Variants in SNTG1 observed in about 807,000 individuals in gnomAD.
SNTG1 encodes syntrophin gamma 1, also known as gamma-1-syntrophin.
Under a neutral mutation model 74.7 loss-of-function variants are expected in SNTG1, and 39 were observed. The ratio of observed to expected loss-of-function variants is 0.52; its 90% CI spans 0.40 to 0.68. The LOEUF is 0.68. Among genes scored for constraint, SNTG1 ranks in the 30% least tolerant of loss-of-function variants. The pLI, the probability that SNTG1 is intolerant of heterozygous loss-of-function variation, is 0.00. For synonymous variants in SNTG1, 254 were observed against 217.1 expected (o/e 1.17, Z -1.49); for missense variants, 685 against 609.5 (o/e 1.12, Z -1.30).
At chr8:50,100,157 A>G (rs954678883) in intron 1 of SNTG1, among the ~76,000 whole-genome samples, 1 of 152,156 alleles carries the variant, frequency 6.6e-6, no homozygotes, top group Non-Finnish European at 1.5e-5. Context: ...GAAATAAGCC[A>G]GGAAAAGAAA....
intron 1 of SNTG1, among the ~76,000 whole-genome samples, chr8:50,129,331 C>T (rs758851625): frequency 2.6e-5 from 4 of 152,050 alleles, no homozygotes; most frequent in Non-Finnish European, 5.9e-5. Flanking sequence ...TCATAGCATC[C>T]AGAAGGAAAC....
intron 2 of SNTG1, among the ~76,000 whole-genome samples, chr8:50,181,681 A>G (rs1211238015): frequency 1.3e-5 from 2 of 152,208 alleles, no homozygotes; most frequent in African/African-American, 2.4e-5. Context: ...TGTAATTGCT[A>G]GTATGCATAG....
rs192136255 is a variant in SNTG1, at chr8:49,919,857, T to C, written c.-103+7626T>C. Among the ~76,000 whole-genome samples, 525 of 152,192 alleles carry C rather than the reference T, an allele frequency of 3.4e-3. 3 individuals are homozygous for C. Among genetic ancestry groups the C allele is most frequent in the African/African-American group, 0.012 (503 of 41,540 alleles). The stretch of plus-strand genomic sequence containing the variant: ...TTGTTTTCCTGGTCTGGTTTTAATC[T>C]TGAAGAAGTAAAACTCCCGAAAGTA... On this transcript the variant is annotated intron_variant, in intron 1 of 18. Coordinates refer to ENST00000642720, the MANE Select transcript of SNTG1 (RefSeq NM_018967.5).
At chr8:50,673,256 A>G (rs1048118732) in intron 15 of SNTG1, among the ~76,000 whole-genome samples, 6 of 152,164 alleles carry the variant, frequency 3.9e-5, no homozygotes, top group African/African-American at 1.4e-4. Flanking sequence ...GAATCTATAA[A>G]TTAATTTGGG....
At chr8:50,520,003 A>G (rs1264606475) in intron 9 of SNTG1, among the ~76,000 whole-genome samples, 1 of 152,228 alleles carries the variant, frequency 6.6e-6, no homozygotes, top group Non-Finnish European at 1.5e-5. Flanking sequence ...AGCAAAAAGA[A>G]CAAAACTGGA....
chr8:50,576,214 T>C (rs1473121686), intron 12 of SNTG1, among the ~76,000 whole-genome samples: 1 of 152,174 alleles, frequency 6.6e-6, no homozygotes, highest in Non-Finnish European at 1.5e-5. Context: ...CCAGTTTTCT[T>C]AGAATCATTA....
At position 50,487,700 on chromosome 8, in the gene SNTG1, G is replaced by C. The variant is rs1029843103; in HGVS notation, c.364-15078G>C. Reference sequence around the variant, plus strand: ...TGGGGACTGTTGTGGGGTCGGAGGGGGGGGAGGGATAGCACTGGGAGATAT... The same window carrying C: ...TGGGGACTGTTGTGGGGTCGGAGGGCGGGGAGGGATAGCACTGGGAGATAT... On this transcript the variant is annotated intron_variant, in intron 8 of 18. Transcript: ENST00000642720. 6.6e-4 allele frequency among the ~76,000 whole-genome samples: 96 copies of C among 146,530 alleles called. 1 individual carries two copies. Among genetic ancestry groups the C allele is most frequent in the African/African-American group, 2.3e-3 (87 of 37,966 alleles).
chr8:50,444,787 C>G (rs539259095), intron 5 of SNTG1, among the ~76,000 whole-genome samples: 3 of 146,832 alleles, frequency 2.0e-5, no homozygotes, highest in South Asian at 4.3e-4. Flanking sequence ...AACAAGCATA[C>G]AGTAAAGCTT....
At position 50,534,585 on chromosome 8, in the gene SNTG1, A is replaced by T. The variant is rs562033787; in HGVS notation, c.550-2093A>T. Among the ~76,000 whole-genome samples the T allele has an allele frequency of 7.2e-4, 110 of 152,308 alleles. 1 individual carries two copies. The highest frequency in any genetic ancestry group is 1.4e-3 in the Non-Finnish European group (98 of 68,016). ...CACCTGAGGTCAAGAGTTCAAGACC[A>T]GCCTGGCCAACATGGTGAAACCCCT... On this transcript the variant is annotated intron_variant, in intron 10 of 18. Coordinates refer to ENST00000642720, the MANE Select transcript of SNTG1 (RefSeq NM_018967.5).
At chr8:50,588,149 G>T (rs2094666216) in intron 12 of SNTG1, among the ~76,000 whole-genome samples, 1 of 151,600 alleles carries the variant, frequency 6.6e-6, no homozygotes, top group Admixed American at 6.6e-5. Flanking sequence ...GATATGAAAT[G>T]TTCTAATTAG....
chr8:50,445,647 G>T (rs1296641235), intron 5 of SNTG1, among the ~76,000 whole-genome samples: 2 of 152,116 alleles, frequency 1.3e-5, no homozygotes, highest in African/African-American at 4.8e-5. Flanking sequence ...AACATTACCT[G>T]GGCTGTGCTT....
intron 15 of SNTG1, among the ~76,000 whole-genome samples, chr8:50,691,457 C>A (rs1298278600): frequency 2.0e-5 from 3 of 152,164 alleles, no homozygotes; most frequent in Non-Finnish European, 2.9e-5. Context: ...GTGACAAAGT[C>A]TCTCAGCATT....
intron 2 of SNTG1, among the ~76,000 whole-genome samples, chr8:50,352,956 G>A (rs183364732): frequency 3.9e-5 from 6 of 152,080 alleles, no homozygotes; most frequent in South Asian, 2.1e-4. Context: ...ACACACACAC[G>A]TATGTTTATT....
rs535589239 is a variant in SNTG1 at position 50,319,432 on chromosome 8, A to G, written c.-27-74780A>G. On this transcript the variant is annotated intron_variant, in intron 2 of 18. Coordinates refer to ENST00000642720, the MANE Select transcript of SNTG1 (RefSeq NM_018967.5). ...TTGTATGTTGATGTTTTATACTACAACTTTACTGAATTTATCAGTTCTAAT... is the reference window on the plus strand; with the variant it reads ...TTGTATGTTGATGTTTTATACTACAGCTTTACTGAATTTATCAGTTCTAAT... Among the ~76,000 whole-genome samples, 13 of 152,312 alleles carry G rather than the reference A, an allele frequency of 8.5e-5. 1 individual carries two copies. The highest frequency in any genetic ancestry group is 3.1e-4 in the African/African-American group (13 of 41,572).
chr8:50,169,029 A>G (rs188408458), intron 1 of SNTG1, among the ~76,000 whole-genome samples: 1 of 152,366 alleles, frequency 6.6e-6, no homozygotes, highest in East Asian at 1.9e-4. Context: ...TTATTAAATA[A>G]TACGCCAGGC....
chr8:50,393,411 T>C (rs967453283), intron 2 of SNTG1, among the ~76,000 whole-genome samples: 2 of 152,218 alleles, frequency 1.3e-5, no homozygotes, highest in East Asian at 3.8e-4. Context: ...TCTTCTATTT[T>C]GGAATTAATC....
intron 12 of SNTG1, among the ~76,000 whole-genome samples, chr8:50,575,016 A>C (rs377375679): frequency 5.9e-5 from 9 of 152,204 alleles, no homozygotes; most frequent in Non-Finnish European, 1.3e-4. Flanking sequence ...TCACATTTTC[A>C]CATTTTTATG....
chr8:49,994,421 A>ATTTTTT (rs35821274), intron 1 of SNTG1, among the ~76,000 whole-genome samples: 1 of 135,128 alleles, frequency 7.4e-6, no homozygotes. Flanking sequence ...ATGCCCGGCT[A>ATTTTTT]TTTTTTTTTT....
At chr8:50,627,604 TC>T (rs1438997549) in intron 13 of SNTG1, among the ~76,000 whole-genome samples, 1 of 152,210 alleles carries the variant, frequency 6.6e-6, no homozygotes, top group African/African-American at 2.4e-5. Flanking sequence ...CAATTGTACT[TC>T]TAGTCAACTG....
Sources: gnomAD v4.1 joint callset for allele counts (sites outside exome capture counted in the v4.1 genomes callset) on GRCh38, gnomAD v4.1.1 for gene constraint, MANE v1.5 for transcripts, NCBI Gene and HGNC (gene_info 2026-07-23, HGNC 2026-07-21) for gene names.